Variants in ABI3BP observed in about 807,000 individuals in gnomAD.
The protein encoded by ABI3BP is target of Nesh-SH3.
A neutral mutation model predicts 268.6 loss-of-function variants in ABI3BP; 216 were observed. That is an observed-to-expected ratio of 0.80 (90% CI 0.72 to 0.90). The LOEUF is 0.90. Ranked by LOEUF, ABI3BP falls within the 40% of genes least tolerant of loss-of-function variation. The pLI, the probability that ABI3BP is intolerant of heterozygous loss-of-function variation, is 0.00. For synonymous variants in ABI3BP, 730 were observed against 730.0 expected (o/e 1.00, Z 0.00); for missense variants, 2,090 against 2,182.4 (o/e 0.96, Z 0.84).
At chr3:100,795,130 C>T (rs529861362) in intron 53 of ABI3BP, 127 bp from the exon 54 acceptor site, 20 of 601,936 alleles carry the variant, frequency 3.3e-5, no homozygotes, top group Non-Finnish European at 5.3e-5. Context: ...AGTGTGCACA[C>T]GACTTTCAGA....
intron 49 of ABI3BP, among the ~76,000 whole-genome samples, chr3:100,809,452 G>C (rs932918890): frequency 6.6e-6 from 1 of 152,034 alleles, no homozygotes; most frequent in Non-Finnish European, 1.5e-5. Context: ...TACACAATGA[G>C]ATAAGAATCA....
chr3:100,835,645 A>G lies in ABI3BP; in HGVS notation c.2147T>C (p.Ile716Thr), dbSNP rs1438189827. ...PSMTIVPTTD[I>T]EPVTVRTEAT... is the part of the protein sequence containing the mutation. ...CTCAGTTCTCACAGTTACAGGCTCA[A>G]TGTCTGTGGTGGGAACTAACCAAAA... Residue 716 changes from isoleucine to threonine, a missense_variant, in exon 28 of 68, where the codon ATT becomes ACT. Physicochemically the swap from Ile to Thr is moderately conservative, Grantham distance 89. Coordinates refer to ENST00000471714, the MANE Select transcript of ABI3BP (RefSeq NM_001375547.2). The G allele has an allele frequency of 4.6e-6, 7 of 1,535,228 alleles. No individual in the cohort carries two copies. The highest frequency in any genetic ancestry group is 2.0e-5 in the Admixed American group (1 of 50,962).
At chr3:100,870,972 T>A (rs895196969) in intron 9 of ABI3BP, among the ~76,000 whole-genome samples, 1 of 152,238 alleles carries the variant, frequency 6.6e-6, no homozygotes, top group Middle Eastern at 3.4e-3. Flanking sequence ...CACTCATATG[T>A]GGAATCTAAA....
chr3:100,784,900 G>A (rs1166079107), intron 57 of ABI3BP, among the ~76,000 whole-genome samples: 1 of 152,096 alleles, frequency 6.6e-6, no homozygotes, highest in Admixed American at 6.5e-5. Context: ...GTGAGAGGAA[G>A]CTAGGGATAA....
intron 4 of ABI3BP, among the ~76,000 whole-genome samples, 187 bp from the exon 5 acceptor site, chr3:100,886,510 A>G (rs1023092542): frequency 6.6e-6 from 1 of 152,052 alleles, no homozygotes; most frequent in African/African-American, 2.4e-5. Flanking sequence ...TAGGTTTTTA[A>G]TTTCTCATTG....
intron 1 of ABI3BP, among the ~76,000 whole-genome samples, chr3:100,929,254 G>A (rs559509384): frequency 6.6e-6 from 1 of 152,120 alleles, no homozygotes; most frequent in South Asian, 2.1e-4. Flanking sequence ...ACTCTGGCCT[G>A]ATGAATCACA....
intron 1 of ABI3BP, among the ~76,000 whole-genome samples, chr3:100,977,656 T>A (rs1025746045): frequency 6.6e-6 from 1 of 152,190 alleles, no homozygotes; most frequent in Non-Finnish European, 1.5e-5. Context: ...TCCTTTATGA[T>A]TTAGCCTCTG....
At chr3:100,962,213 G>A (rs1286586646) in intron 1 of ABI3BP, among the ~76,000 whole-genome samples, 2 of 152,120 alleles carry the variant, frequency 1.3e-5, no homozygotes, top group East Asian at 3.9e-4. Flanking sequence ...TGAAGTCACT[G>A]GACAGAAACT....
intron 1 of ABI3BP, among the ~76,000 whole-genome samples, chr3:100,964,525 C>T (rs1397405235): frequency 2.0e-5 from 3 of 152,134 alleles, no homozygotes; most frequent in African/African-American, 7.2e-5. Flanking sequence ...GTGTGTGTCC[C>T]ATGTCCTAAA....
intron 63 of ABI3BP, among the ~76,000 whole-genome samples, chr3:100,755,094 TA>T (rs2095545934): frequency 1.3e-5 from 2 of 152,208 alleles, no homozygotes. Context: ...TATTTTCTGT[TA>T]TCCCAACCCT....
At chr3:100,941,322 T>A (rs1054106727) in intron 1 of ABI3BP, among the ~76,000 whole-genome samples, 1 of 151,988 alleles carries the variant, frequency 6.6e-6, no homozygotes, top group African/African-American at 2.4e-5. Flanking sequence ...AAGTCTCAGT[T>A]CACCTGGAGC....
chr3:100,868,576 C>T (rs548488519), intron 9 of ABI3BP, among the ~76,000 whole-genome samples: 31 of 152,238 alleles, frequency 2.0e-4, no homozygotes, highest in East Asian at 7.7e-4. Flanking sequence ...TCATCTTTCA[C>T]GACGTTTATA....
intron 50 of ABI3BP, among the ~76,000 whole-genome samples, chr3:100,807,129 C>T (rs17337512): frequency 0.14 from 20,997 of 151,816 alleles, 1,891 homozygotes; most frequent in South Asian, 0.27. Flanking sequence ...ATGCTTTATA[C>T]TCAAATCCAA....
chr3:100,901,388 T>C (rs2050215262), intron 3 of ABI3BP, among the ~76,000 whole-genome samples: 1 of 152,126 alleles, frequency 6.6e-6, no homozygotes, highest in African/African-American at 2.4e-5. Flanking sequence ...AACAAAAAGA[T>C]CCTTTTATCG....
chr3:100,816,808 T>C (rs2152560631), intron 42 of ABI3BP, 40 bp from the exon 43 acceptor site: 1 of 1,485,358 alleles, frequency 6.7e-7, no homozygotes, highest in Middle Eastern at 1.7e-4. Flanking sequence ...TGCAGGTGGC[T>C]TTGGAGACAA....
Position 100,850,674 on chromosome 3 carries a change from G to A in ABI3BP, c.1412C>T (p.Pro471Leu), listed in dbSNP as rs760211525. 31 of 1,611,528 alleles carry A rather than the reference G, an allele frequency of 1.9e-5. No individual in the cohort carries two copies. In the South Asian group the frequency reaches 3.4e-4, roughly 18 times the overall value. ...PPKTSRTLEQ[P>L]RATLAPSETP... ...AAAAACATTACCCAGTGTTGCCCTT[G>A]GCTGTTCAAGAGTTCTAGAAGTTTT... is the stretch of plus-strand genomic sequence containing the variant. The change falls in exon 16 of 68, where the codon CCA becomes CTA. Residue 471 changes from proline (P) to leucine (L), a missense_variant. Transcript: ENST00000471714.
At chr3:100,775,470 C>G in intron 59 of ABI3BP, 135 bp from the exon 60 acceptor site, 1 of 1,158,892 alleles carries the variant, frequency 8.6e-7, no homozygotes, top group Non-Finnish European at 1.2e-6. Context: ...GGAGAGAAAA[C>G]AAGACCTGAT....
intron 34 of ABI3BP, among the ~76,000 whole-genome samples, chr3:100,826,822 A>C (rs1579246476): frequency 1.3e-5 from 2 of 152,246 alleles, no homozygotes; most frequent in Admixed American, 6.5e-5. Context: ...AACATGATCT[A>C]GTGTGGAAGA....
chr3:100,979,688 A>AC (rs1275401346), intron 1 of ABI3BP, among the ~76,000 whole-genome samples: 3 of 152,058 alleles, frequency 2.0e-5, no homozygotes, highest in Non-Finnish European at 4.4e-5. Context: ...TTTGGAAAAC[A>AC]CCACAGTAAA....
Sources: allele counts gnomAD v4.1 joint callset (sites outside exome capture counted in the v4.1 genomes callset), GRCh38; gene constraint gnomAD v4.1.1; transcripts MANE v1.5; gene names NCBI Gene and HGNC (gene_info 2026-07-23, HGNC 2026-07-21).